CELSR1: variants seen among roughly 807,000 people sequenced by gnomAD.
The protein encoded by CELSR1 is adhesion G protein-coupled receptor C1.
In CELSR1, 110 loss-of-function variants were observed where a neutral mutation model predicts 249.1. The observed-to-expected ratio is 0.44, with a 90% CI of 0.38 to 0.52. The LOEUF is 0.52. Among genes scored for constraint, CELSR1 ranks in the 20% least tolerant of loss-of-function variants. The pLI is 0.00. For missense variants in CELSR1, 4,109 were observed against 4,296.4 expected (o/e 0.96, Z 1.22); for synonymous variants, 2,113 against 1,900.0 (o/e 1.11, Z -2.92).
In CELSR1 at chr22:46,518,911, T is replaced by C. The variant is rs190216339; in HGVS notation, c.3544+14716A>G. On this transcript the variant is annotated intron_variant, in intron 1 of 34. Coordinates refer to ENST00000674500, the MANE Select transcript of CELSR1 (RefSeq NM_001378328.1). The surrounding 1 kb of genome is among the most constrained non-coding windows in gnomAD (Gnocchi z 5.2). ...AGCTGGACGTGGTGGCGCATGCCTGTAATCCCAGCTACTCGGGAGGCAGAG... is the reference window on the plus strand; with the variant it reads ...AGCTGGACGTGGTGGCGCATGCCTGCAATCCCAGCTACTCGGGAGGCAGAG... 9.2e-5 allele frequency among the ~76,000 whole-genome samples: 14 copies of C among 152,212 alleles called. No individual in the cohort carries two copies. In the East Asian group the frequency reaches 2.7e-3, roughly 29 times the overall value.
In CELSR1 at chr22:46,364,016, C is replaced by T; in HGVS notation, c.9015G>A (p.Gln3005=). 1 of 1,608,994 alleles carries T rather than the reference C, an allele frequency of 6.2e-7. No homozygotes were observed. The highest frequency in any genetic ancestry group is 8.5e-7 in the Non-Finnish European group (1 of 1,178,284). ...VAMNVRTGSA[Q]ADGSDSEGSN... ...CTCACTCAGAGTCGGAGCCATCGGC[C>T]TGGGCGCTCCCAGTGCGCACATTCA... The change falls in exon 34 of 35, where the codon CAG becomes CAA. Residue 3005 remains glutamine, a synonymous_variant. Transcript: ENST00000674500.
intron 2 of CELSR1, among the ~76,000 whole-genome samples, chr22:46,455,078 G>A (rs1602159325): frequency 6.6e-6 from 1 of 152,206 alleles, no homozygotes; most frequent in African/African-American, 2.4e-5. Context: ...GGAGACTGCA[G>A]TGATGCATCC....
rs1448872702 is a variant in CELSR1 at position 46,472,938 on chromosome 22, C to T, written c.3545-8593G>A. On this transcript the variant is annotated intron_variant, in intron 1 of 34. Coordinates refer to ENST00000674500, the MANE Select transcript of CELSR1 (RefSeq NM_001378328.1). This position sits in a 1 kb window ranked among gnomAD's most constrained non-coding sequence, Gnocchi z 7.0. ...GGAAGCCAGTACAGCCTCATGTCAA[C>T]ACCTCAATTACAGCTGCAAAGAGCC... 4.6e-5 allele frequency among the ~76,000 whole-genome samples: 7 copies of T among 152,218 alleles called. No individual in the cohort carries two copies. The highest frequency in any genetic ancestry group is 1.5e-5 in the Non-Finnish European group (1 of 68,038).
In CELSR1 at chr22:46,396,654, AG is replaced by A; in HGVS notation, c.5793del (p.Tyr1932ThrfsTer64). 1.9e-6 allele frequency: 3 copies of A among 1,611,716 alleles called. No individual in the cohort carries two copies. The highest frequency in any genetic ancestry group is 2.5e-6 in the Non-Finnish European group (3 of 1,178,960). Reference sequence around the variant, plus strand: ...TGACTGGGCCCACACTCGCACACGTAGCCCTGCGGGGAGCCGGGGGAGCGCA... The same window carrying A: ...TGACTGGGCCCACACTCGCACACGTACCCTGCGGGGAGCCGGGGGAGCGCA... ...ACVRSPGSPQ[G>X]YVCECGPSHY... is the part of the protein sequence containing the mutation. On this transcript the variant is annotated frameshift_variant, in exon 13 of 35. Transcript: ENST00000674500. LOFTEE classifies it high-confidence loss of function. The surrounding 1 kb of genome is among the most constrained non-coding windows in gnomAD (Gnocchi z 6.4).
rs1016319436 is a variant in CELSR1 at position 46,527,544 on chromosome 22, C to T, written c.3544+6083G>A. Among the ~76,000 whole-genome samples the T allele has an allele frequency of 2.0e-5, 3 of 152,240 alleles. No homozygotes were observed. The highest frequency in any genetic ancestry group is 1.5e-5 in the Non-Finnish European group (1 of 68,044). On this transcript the variant is annotated intron_variant, in intron 1 of 34. Coordinates refer to ENST00000674500, the MANE Select transcript of CELSR1 (RefSeq NM_001378328.1). The surrounding 1 kb of genome is among the most constrained non-coding windows in gnomAD (Gnocchi z 5.5). ...TCTACCCCTGAGCTCAGCCCCCTTG[C>T]TCATCGGATGGTCCATCTCCACCCA...
At chr22:46,508,420 C>A (rs558552055) in intron 1 of CELSR1, among the ~76,000 whole-genome samples, 1 of 149,946 alleles carries the variant, frequency 6.7e-6, no homozygotes, top group African/African-American at 2.5e-5. Flanking sequence ...GGTGGTCATC[C>A]CCACCCTGTG....
In CELSR1 at chr22:46,399,092, G is replaced by C. The variant is rs1485708224; in HGVS notation, c.5413-455C>G. Reference sequence around the variant, plus strand: ...AACACACCTATTTACTCCCAGGTCTGTGTTGTAAGATGAGCCTTGGCTCCA... The same window carrying C: ...AACACACCTATTTACTCCCAGGTCTCTGTTGTAAGATGAGCCTTGGCTCCA... On this transcript the variant is annotated intron_variant, in intron 10 of 34. Transcript: ENST00000674500. The surrounding 1 kb of genome is among the most constrained non-coding windows in gnomAD (Gnocchi z 5.0). Among the ~76,000 whole-genome samples, 1 of 152,236 alleles carries C rather than the reference G, an allele frequency of 6.6e-6. No homozygotes were observed. Among genetic ancestry groups the C allele is most frequent in the African/African-American group, 2.4e-5 (1 of 41,462 alleles).
chr22:46,369,205 G>A lies in CELSR1; in HGVS notation c.7926C>T (p.His2642=). 6.2e-7 allele frequency: 1 copy of A among 1,614,102 alleles called. No homozygotes were observed. The highest frequency in any genetic ancestry group is 1.1e-5 in the South Asian group (1 of 91,086). Residue 2642 remains histidine (H), a synonymous_variant, in exon 27 of 35, where the codon CAC becomes CAT. Coordinates refer to ENST00000674500, the MANE Select transcript of CELSR1 (RefSeq NM_001378328.1). ...LSAKVSCQRK[H]HYYGKKGIVS... ...CGATCCCTTTTTTCCCATAATAATG[G>A]TGCTTTCTTTGGCAGGAAACCTTTG...
chr22:46,471,286 AAC>A lies in CELSR1; in HGVS notation c.3545-6943_3545-6942del, dbSNP rs1435677901. The stretch of plus-strand genomic sequence containing the variant: ...TTGTTTTTATAAAACTTAATTTTGA[AAC>A]AGTTTTAGATTTACAAAAAAATTAC... On this transcript the variant is annotated intron_variant, in intron 1 of 34. Transcript: ENST00000674500. This position sits in a 1 kb window ranked among gnomAD's most constrained non-coding sequence, Gnocchi z 4.9. 1.3e-5 allele frequency among the ~76,000 whole-genome samples: 2 copies of A among 152,160 alleles called. No individual in the cohort carries two copies. The highest frequency in any genetic ancestry group is 2.9e-5 in the Non-Finnish European group (2 of 68,030).
chr22:46,432,959 A>T (rs774739436), intron 5 of CELSR1, among the ~76,000 whole-genome samples: 2 of 152,052 alleles, frequency 1.3e-5, no homozygotes, highest in African/African-American at 2.4e-5. Context: ...CATTTTTTCC[A>T]ATAGCACATT....
intron 1 of CELSR1, among the ~76,000 whole-genome samples, chr22:46,479,058 G>T (rs914423671): frequency 6.6e-6 from 1 of 151,684 alleles, no homozygotes; most frequent in East Asian, 1.9e-4. Flanking sequence ...CACCTCAATG[G>T]CCAGAGCAGC....
intron 25 of CELSR1, chr22:46,370,042 G>A: frequency 1.6e-6 from 1 of 612,970 alleles, no homozygotes; most frequent in East Asian, 3.4e-5. Context: ...CATGAGGCAG[G>A]GGGCGTATCT....
chr22:46,435,445 C>T (rs369108779), intron 4 of CELSR1, among the ~76,000 whole-genome samples: 38 of 151,536 alleles, frequency 2.5e-4, no homozygotes, highest in African/African-American at 8.7e-4. Flanking sequence ...CCATACCTGG[C>T]TAATTTTTGT....
intron 17 of CELSR1, among the ~76,000 whole-genome samples, chr22:46,389,883 C>G (rs1023592753): frequency 2.6e-5 from 4 of 152,118 alleles, no homozygotes; most frequent in Non-Finnish European, 5.9e-5. Flanking sequence ...ATCCGGGAAG[C>G]AGAGGTTGCA....
At position 46,363,979 on chromosome 22, in the gene CELSR1, AG is replaced by A; in HGVS notation, c.9035+16del. ...GGGAAGTGGGTGATCCCCGCCCTGG[AG>A]GCCCAGGCTACTCACTCAGAGTCGG... On this transcript the variant is annotated intron_variant, in intron 34 of 34. Coordinates refer to ENST00000674500, the MANE Select transcript of CELSR1 (RefSeq NM_001378328.1). This position sits in a 1 kb window ranked among gnomAD's most constrained non-coding sequence, Gnocchi z 4.3. The A allele has an allele frequency of 1.3e-6, 2 of 1,575,592 alleles. No homozygotes were observed. The highest frequency in any genetic ancestry group is 1.7e-6 in the Non-Finnish European group (2 of 1,162,056).
At position 46,534,448 on chromosome 22, in the gene CELSR1, G is replaced by A. The variant is rs757777807; in HGVS notation, c.2723C>T (p.Ser908Leu). 19 of 1,612,900 alleles carry A rather than the reference G, an allele frequency of 1.2e-5. No homozygotes were observed. The highest frequency in any genetic ancestry group is 1.3e-5 in the African/African-American group (1 of 74,930). ...GGCAGAGACCTGGAGGATGCTGGTC[G>A]AGGGTGGAGCATCCTCAAAGATGGA... Reference protein sequence around the residue: ...QGSIFEDAPPSTSILQVSATD... With the variant: ...QGSIFEDAPPLTSILQVSATD... Residue 908 changes from serine to leucine, a missense_variant, in exon 1 of 35, where the codon TCG (serine) becomes TTG (leucine). By Grantham distance (145) the Ser-to-Leu change is moderately radical. This residue lies in a region of CELSR1 where 886 missense variants were observed against 896.5 expected (regional missense o/e 0.99). Coordinates refer to ENST00000674500, the MANE Select transcript of CELSR1 (RefSeq NM_001378328.1). The surrounding 1 kb of genome is among the most constrained non-coding windows in gnomAD (Gnocchi z 9.7).
intron 2 of CELSR1, among the ~76,000 whole-genome samples, chr22:46,443,199 CG>C (rs1280434642): frequency 1.3e-5 from 2 of 152,208 alleles, no homozygotes; most frequent in African/African-American, 4.8e-5. Flanking sequence ...AAATCGCTGA[CG>C]TTTTGCTGAA....
rs1024905132 is a variant in CELSR1, at chr22:46,410,687, C to T, written c.4770-126G>A. ...CTACTTCAGAAACCAAGCAGACAGG[C>T]GGGGAGAGGCCAAAGTCAGAGGGGG... On this transcript the variant is annotated intron_variant, in intron 6 of 34. Coordinates refer to ENST00000674500, the MANE Select transcript of CELSR1 (RefSeq NM_001378328.1). The surrounding 1 kb of genome is among the most constrained non-coding windows in gnomAD (Gnocchi z 6.8). The T allele has an allele frequency of 2.0e-5, 18 of 921,508 alleles. No homozygotes were observed. The highest frequency in any genetic ancestry group is 1.0e-4 in the African/African-American group (6 of 60,156). The allele number at this position is 921,508 out of a possible 1,614,324, so 57.1% of individuals were successfully genotyped here.
rs990489256 is a variant in CELSR1 at position 46,407,522 on chromosome 22, C to T, written c.5226+1474G>A. Among the ~76,000 whole-genome samples, 7 of 152,116 alleles carry T rather than the reference C, an allele frequency of 4.6e-5. No homozygotes were observed. Among genetic ancestry groups the T allele is most frequent in the African/African-American group, 1.7e-4 (7 of 41,432 alleles). On this transcript the variant is annotated intron_variant, in intron 9 of 34. Transcript: ENST00000674500. The surrounding 1 kb of genome is among the most constrained non-coding windows in gnomAD (Gnocchi z 4.8). ...TGGTGAGCTCCTGTAATCCCAACTA[C>T]AATGGAGGCTGAGGCAGGAGAATCG...
Sources: gnomAD v4.1 joint callset for allele counts (sites outside exome capture counted in the v4.1 genomes callset) on GRCh38, gnomAD v4.1.1 for gene constraint, gnomAD v4.1.1 regional missense constraint, Gnocchi (gnomAD v3.1) non-coding constraint, MANE v1.5 for transcripts, NCBI Gene and HGNC (gene_info 2026-07-23, HGNC 2026-07-21) for gene names.